Variants in TIAM1 observed in about 807,000 individuals in gnomAD.
The protein encoded by TIAM1 is TIAM Rac1 associated GEF 1.
Under a neutral mutation model 163.5 loss-of-function variants are expected in TIAM1, and 65 were observed. That is an observed-to-expected ratio of 0.40 (90% confidence interval 0.33 to 0.49). TIAM1 has a LOEUF of 0.49. TIAM1 is among the 20% of genes least tolerant of loss of function. The pLI is 0.77. For missense variants in TIAM1, 1,789 were observed against 2,044.7 expected, an observed-to-expected ratio of 0.87 and a Z score of 2.41; for synonymous variants, 833 against 810.1, an observed-to-expected ratio of 1.03 and a Z score of -0.48.
intron 5 of TIAM1, among the ~76,000 whole-genome samples, chr21:31,247,714 G>T (rs1258125381): frequency 6.6e-6 from 1 of 152,108 alleles, no homozygotes; most frequent in East Asian, 1.9e-4. Context: ...TTAGTTTGGG[G>T]TTTAAAAGTT....
At chr21:31,367,967 T>A (rs1343159360) in intron 2 of TIAM1, among the ~76,000 whole-genome samples, 1 of 152,226 alleles carries the variant, frequency 6.6e-6, no homozygotes. Flanking sequence ...TCAGTTTCAA[T>A]GGATCAATGA....
intron 6 of TIAM1, among the ~76,000 whole-genome samples, chr21:31,228,243 A>AG (rs1569068912): frequency 1.9e-5 from 1 of 51,774 alleles, no homozygotes; most frequent in Admixed American, 3.1e-4. Flanking sequence ...AAAAAAAAAA[A>AG]AAAAAAAAAA....
chr21:31,425,181 C>G (rs1431000847), intron 2 of TIAM1, among the ~76,000 whole-genome samples: 25 of 152,158 alleles, frequency 1.6e-4, no homozygotes, highest in Admixed American at 6.5e-5. Flanking sequence ...ATCCTGAACT[C>G]TCTTCCACGG....
chr21:31,234,653 C>T lies in TIAM1; in HGVS notation c.1585-8703G>A, dbSNP rs551813758. On this transcript the variant is annotated intron_variant, in intron 6 of 27. Coordinates refer to ENST00000541036, the MANE Select transcript of TIAM1 (RefSeq NM_001353694.2). ...AAAATTAGCAAAGCATGGTGGTGTG[C>T]ACCTGTCATCCCAGATATTCGAGAG... is the stretch of plus-strand genomic sequence containing the variant. Among the ~76,000 whole-genome samples, 136 of 152,010 alleles carry T rather than the reference C, an allele frequency of 8.9e-4. 2 individuals are homozygous for T. Among genetic ancestry groups the T allele is most frequent in the East Asian group, 1.9e-3 (10 of 5,136 alleles).
chr21:31,377,627 G>A (rs1302722078), intron 2 of TIAM1, among the ~76,000 whole-genome samples: 2 of 152,080 alleles, frequency 1.3e-5, no homozygotes, highest in Non-Finnish European at 2.9e-5. Flanking sequence ...TTGTCTCATT[G>A]TCCTCAAACT....
At chr21:31,130,850 GA>G in intron 24 of TIAM1, 39 bp downstream of exon 24, 1 of 1,580,160 alleles carries the variant, frequency 6.3e-7, no homozygotes, top group Non-Finnish European at 8.7e-7. Context: ...AGCAGATAGA[GA>G]AATAGTTTCA....
At chr21:31,453,488 G>A (rs2044954818) in intron 2 of TIAM1, among the ~76,000 whole-genome samples, 1 of 152,024 alleles carries the variant, frequency 6.6e-6, no homozygotes, top group African/African-American at 2.4e-5. Flanking sequence ...GAGCTCGGGA[G>A]TTCGAGACCA....
intron 2 of TIAM1, among the ~76,000 whole-genome samples, chr21:31,400,777 T>C (rs2077151312): frequency 6.6e-6 from 1 of 152,110 alleles, no homozygotes; most frequent in Admixed American, 6.5e-5. Flanking sequence ...TCAACACACA[T>C]CAGAAGTCCT....
chr21:31,132,381 A>C (rs2082445101), intron 23 of TIAM1, among the ~76,000 whole-genome samples: 2 of 152,136 alleles, frequency 1.3e-5, no homozygotes, highest in African/African-American at 4.8e-5. Flanking sequence ...AGGTTCCCAG[A>C]GCACAGACTG....
At chr21:31,556,790 C>T (rs192701033) in intron 1 of TIAM1, among the ~76,000 whole-genome samples, 81 of 152,320 alleles carry the variant, frequency 5.3e-4, no homozygotes, top group African/African-American at 1.9e-3. Flanking sequence ...TTTTATTTCT[C>T]CTCTATTCAA....
chr21:31,204,095 C>G (rs1385244912), intron 11 of TIAM1, among the ~76,000 whole-genome samples: 1 of 148,542 alleles, frequency 6.7e-6, no homozygotes, highest in Non-Finnish European at 1.5e-5. Context: ...TCTCAGTAGA[C>G]AGTCAAGAGG....
At chr21:31,308,744 A>C (rs2074812765) in intron 2 of TIAM1, among the ~76,000 whole-genome samples, 1 of 152,184 alleles carries the variant, frequency 6.6e-6, no homozygotes, top group Non-Finnish European at 1.5e-5. Flanking sequence ...CTAATGCCAG[A>C]TGAGCCAGCT....
At chr21:31,240,728 A>G (rs2071124525) in intron 6 of TIAM1, among the ~76,000 whole-genome samples, 1 of 152,256 alleles carries the variant, frequency 6.6e-6, no homozygotes, top group Non-Finnish European at 1.5e-5. Context: ...TTAGCACTAC[A>G]GTCGCCTGAA....
intron 2 of TIAM1, among the ~76,000 whole-genome samples, chr21:31,285,623 G>A (rs543915317): frequency 3.2e-4 from 48 of 152,316 alleles, no homozygotes; most frequent in African/African-American, 1.1e-3. Context: ...ACTTTGGGGG[G>A]CCAAGGTGGG....
At chr21:31,485,355 G>A (rs1398963939) in intron 1 of TIAM1, among the ~76,000 whole-genome samples, 2 of 152,066 alleles carry the variant, frequency 1.3e-5, no homozygotes, top group African/African-American at 4.8e-5. Context: ...AAATAACTCT[G>A]ACCCCAAGAG....
chr21:31,346,572 G>A (rs1239355791), upstream of TIAM1, among the ~76,000 whole-genome samples: 2 of 152,300 alleles, frequency 1.3e-5, no homozygotes, highest in South Asian at 4.1e-4. Flanking sequence ...CGCGTACTTC[G>A]GGGAAGCCGA....
intron 15 of TIAM1, among the ~76,000 whole-genome samples, chr21:31,168,710 C>T (rs61599348): frequency 0.059 from 8,983 of 152,208 alleles, 932 homozygotes; most frequent in African/African-American, 0.2. Flanking sequence ...CCCTGACATT[C>T]TAATCATAGG....
chr21:31,297,301 G>A (rs2074314897), intron 2 of TIAM1, among the ~76,000 whole-genome samples: 1 of 152,234 alleles, frequency 6.6e-6, no homozygotes, highest in South Asian at 2.1e-4. Context: ...ATAGAAAGGT[G>A]GATGGCAAGC....
chr21:31,256,624 C>CACAG (rs2072119811), intron 4 of TIAM1, among the ~76,000 whole-genome samples: 1 of 149,430 alleles, frequency 6.7e-6, no homozygotes, highest in South Asian at 2.1e-4. Flanking sequence ...CACACACACA[C>CACAG]ACACGTATAT....
Sources: gnomAD v4.1 joint callset for allele counts (sites outside exome capture counted in the v4.1 genomes callset) on GRCh38, gnomAD v4.1.1 for gene constraint, MANE v1.5 for transcripts, NCBI Gene and HGNC (gene_info 2026-07-23, HGNC 2026-07-21) for gene names.